Variants in DLGAP1 observed in about 807,000 individuals in gnomAD.
The protein encoded by DLGAP1 is DLG associated protein 1.
In DLGAP1, 11 loss-of-function variants were observed where a neutral mutation model predicts 90.8. The observed-to-expected ratio is 0.12, with a 90% CI of 0.08 to 0.20. The LOEUF (loss-of-function observed/expected upper bound fraction) is 0.20. DLGAP1 is among the 10% of genes least tolerant of loss of function. The pLI is 1.00. For synonymous variants in DLGAP1, 558 were observed against 540.7 expected, an observed-to-expected ratio of 1.03 and a Z score of -0.44; for missense variants, 1,050 against 1,333.8, an observed-to-expected ratio of 0.79 and a Z score of 3.31.
chr18:4,336,327 C>G (rs2143792672), intron 1 of DLGAP1, among the ~76,000 whole-genome samples: 1 of 152,296 alleles, frequency 6.6e-6, no homozygotes, highest in Admixed American at 6.5e-5. Flanking sequence ...TAGCTCTAGA[C>G]AGCTGATCTG....
intron 1 of DLGAP1, among the ~76,000 whole-genome samples, chr18:4,361,041 T>G (rs922828001): frequency 6.6e-5 from 10 of 152,184 alleles, no homozygotes; most frequent in African/African-American, 2.4e-4. Flanking sequence ...ACCTTATCTA[T>G]AGATACATTC....
intron 2 of DLGAP1, among the ~76,000 whole-genome samples, chr18:4,075,312 G>T (rs1031793118): frequency 1.4e-4 from 21 of 152,112 alleles, no homozygotes; most frequent in African/African-American, 4.3e-4. Context: ...AGTTGTGACT[G>T]GGTCAACCTT....
At chr18:3,650,549 G>C (rs1359862610) in intron 7 of DLGAP1, among the ~76,000 whole-genome samples, 4 of 152,172 alleles carry the variant, frequency 2.6e-5, no homozygotes, top group Admixed American at 2.6e-4. Flanking sequence ...TTTGTTTAGT[G>C]TGGTGCTCCA....
At chr18:4,114,378 A>G (rs753623057) in intron 2 of DLGAP1, among the ~76,000 whole-genome samples, 62 of 152,108 alleles carry the variant, frequency 4.1e-4, no homozygotes, top group Non-Finnish European at 6.9e-4. Context: ...ACAATTGTAA[A>G]TGGGATTGCT....
chr18:3,848,211 A>G (rs1466006818), intron 4 of DLGAP1, among the ~76,000 whole-genome samples: 1 of 150,930 alleles, frequency 6.6e-6, no homozygotes, highest in Non-Finnish European at 1.5e-5. Context: ...GCTTAGAATG[A>G]ATAGAATGAG....
intron 3 of DLGAP1, among the ~76,000 whole-genome samples, chr18:3,980,281 C>T (rs773786899): frequency 2.6e-5 from 4 of 152,128 alleles, no homozygotes; most frequent in Non-Finnish European, 4.4e-5. Flanking sequence ...GCAGAACCTA[C>T]GGCCTCAAGT....
intron 4 of DLGAP1, among the ~76,000 whole-genome samples, chr18:3,865,638 A>G (rs1042049284): frequency 9.2e-5 from 14 of 152,222 alleles, no homozygotes; most frequent in African/African-American, 2.9e-4. Flanking sequence ...AAGCAGAGGC[A>G]TCATGTTATG....
At chr18:3,823,715 C>A (rs113868949) in intron 4 of DLGAP1, among the ~76,000 whole-genome samples, 1 of 151,936 alleles carries the variant, frequency 6.6e-6, no homozygotes, top group African/African-American at 2.4e-5. Context: ...TTTGGGAGGC[C>A]GAGGCGGGCA....
At chr18:3,911,872 C>G (rs2072042145) in intron 3 of DLGAP1, among the ~76,000 whole-genome samples, 1 of 152,182 alleles carries the variant, frequency 6.6e-6, no homozygotes, top group African/African-American at 2.4e-5. Flanking sequence ...TACTTAATGT[C>G]AAATTAGCAT....
chr18:4,329,214 C>G (rs1291204446), intron 1 of DLGAP1, among the ~76,000 whole-genome samples: 3 of 151,948 alleles, frequency 2.0e-5, no homozygotes, highest in African/African-American at 7.2e-5. Context: ...TCGAGGTTTA[C>G]TTTTTCCACA....
At chr18:3,522,228 C>T (rs2051249177) in intron 10 of DLGAP1, among the ~76,000 whole-genome samples, 1 of 151,492 alleles carries the variant, frequency 6.6e-6, no homozygotes, top group Non-Finnish European at 1.5e-5. Context: ...CCTCCGCCTC[C>T]CGGATTCAAG....
At chr18:3,567,723 A>G (rs2054517972) in intron 8 of DLGAP1, 142 bp from the exon 9 acceptor site, 1 of 701,858 alleles carries the variant, frequency 1.4e-6, no homozygotes, top group African/African-American at 1.8e-5. Context: ...ATTTGTGTAC[A>G]CTACCTTCAC....
intron 7 of DLGAP1, among the ~76,000 whole-genome samples, chr18:3,596,417 C>A (rs1599431859): frequency 6.6e-6 from 1 of 152,164 alleles, no homozygotes; most frequent in South Asian, 2.1e-4. Context: ...GCCTCGGCCT[C>A]CCAAAGTGCT....
rs2081955287 is a variant in DLGAP1 at position 4,373,387 on chromosome 18, CA to C, written c.-267+81618del. 1.3e-5 allele frequency among the ~76,000 whole-genome samples: 2 copies of C among 152,062 alleles called. 1 individual carries two copies. The highest frequency in any genetic ancestry group is 4.1e-4 in the South Asian group (2 of 4,820). On this transcript the variant is annotated intron_variant, in intron 1 of 12. Transcript: ENST00000315677. ...ACACTGGGCAATGGAGGTGAGAAAA[CA>C]AGCAAGTGAGGAAGTGGGAGGCATC...
At chr18:3,656,988 C>A (rs547903230) in intron 7 of DLGAP1, among the ~76,000 whole-genome samples, 1 of 152,108 alleles carries the variant, frequency 6.6e-6, no homozygotes, top group Non-Finnish European at 1.5e-5. Context: ...CCTTGTGATC[C>A]GCCCGCCTCA....
intron 2 of DLGAP1, among the ~76,000 whole-genome samples, chr18:4,062,109 A>C (rs2075307006): frequency 6.6e-6 from 1 of 152,134 alleles, no homozygotes; most frequent in East Asian, 1.9e-4. Flanking sequence ...GTTTTTCAGA[A>C]AGTGTATTCT....
intron 1 of DLGAP1, among the ~76,000 whole-genome samples, chr18:4,343,319 A>T (rs2143879322): frequency 6.6e-6 from 1 of 152,006 alleles, no homozygotes; most frequent in Non-Finnish European, 1.5e-5. Flanking sequence ...AAAAAAAAAA[A>T]AAAAGTTTAG....
chr18:3,553,890 A>G (rs1301399303), intron 9 of DLGAP1, among the ~76,000 whole-genome samples: 2 of 152,124 alleles, frequency 1.3e-5, no homozygotes, highest in African/African-American at 2.4e-5. Context: ...AACTGTTAAT[A>G]TGTTAAGATA....
At chr18:3,755,456 A>T (rs1203129379) in intron 5 of DLGAP1, among the ~76,000 whole-genome samples, 1 of 150,636 alleles carries the variant, frequency 6.6e-6, no homozygotes, top group Non-Finnish European at 1.5e-5. Flanking sequence ...TAGCATGCAA[A>T]AAACAAAAAA....
Sources: allele counts gnomAD v4.1 joint callset (sites outside exome capture counted in the v4.1 genomes callset), GRCh38; gene constraint gnomAD v4.1.1; transcripts MANE v1.5; gene names NCBI Gene and HGNC (gene_info 2026-07-23, HGNC 2026-07-21).